The following KCNC2 variants were observed in gnomAD, a reference collection of about 807,000 sequenced individuals.
KCNC2 encodes the protein voltage-gated potassium channel KCNC2.
A neutral mutation model predicts 44.5 loss-of-function variants in KCNC2; 21 were observed. That is an observed-to-expected ratio of 0.47 (90% CI 0.33 to 0.68). The LOEUF (loss-of-function observed/expected upper bound fraction) is 0.68, where lower values mean the gene tolerates loss of function less well. Among genes scored for constraint, KCNC2 ranks in the 30% least tolerant of loss-of-function variants. The pLI, the probability that KCNC2 is intolerant of heterozygous loss-of-function variation, is 0.01. For missense variants in KCNC2, 589 were observed against 826.2 expected (o/e 0.71, Z 3.52); for synonymous variants, 391 against 339.1 (o/e 1.15, Z -1.68).
chr12:75,041,496 G>T lies in KCNC2; in HGVS notation c.*1609C>A. The T allele has an allele frequency of 8.4e-7, 1 of 1,192,076 alleles. No homozygotes were observed. The highest frequency in any genetic ancestry group is 1.1e-6 in the Non-Finnish European group (1 of 951,518). 73.8% of individuals were successfully genotyped at this position (1,192,076 alleles called of 1,614,324 possible). A position where few individuals can be genotyped will look rare whatever the true frequency, so the allele number is the denominator to read the frequency against. On this transcript the variant is annotated 3_prime_UTR_variant, in exon 5 of 5. Transcript: ENST00000549446. Reference sequence around the variant, plus strand: ...AATAGGAATTAATCAGCAGTCTCAAGGCTCCCAAATGCCTTAGTGATATTA... The same window carrying T: ...AATAGGAATTAATCAGCAGTCTCAATGCTCCCAAATGCCTTAGTGATATTA...
intron 2 of KCNC2, among the ~76,000 whole-genome samples, chr12:75,139,246 C>T (rs192501086): frequency 3.2e-4 from 49 of 152,240 alleles, no homozygotes; most frequent in Non-Finnish European, 5.3e-4. Flanking sequence ...ACAAAAAAAG[C>T]AGTCACTTCA....
chr12:75,113,519 A>G (rs1334572655), intron 2 of KCNC2, among the ~76,000 whole-genome samples: 2 of 152,192 alleles, frequency 1.3e-5, no homozygotes, highest in African/African-American at 4.8e-5. Flanking sequence ...GTAGGTTTAT[A>G]TTTATAAAGG....
chr12:75,076,917 A>AG (rs1243094156), intron 2 of KCNC2, among the ~76,000 whole-genome samples: 3 of 152,182 alleles, frequency 2.0e-5, no homozygotes, highest in Non-Finnish European at 4.4e-5. Context: ...TAGTCAATGG[A>AG]GAAAACAGTC....
At chr12:75,179,435 T>C (rs1195120806) in intron 2 of KCNC2, among the ~76,000 whole-genome samples, 1 of 151,778 alleles carries the variant, frequency 6.6e-6, no homozygotes, top group Non-Finnish European at 1.5e-5. Flanking sequence ...ATGAACAAAG[T>C]CTTTTGAAAA....
chr12:75,188,697 A>G (rs1039539472), intron 2 of KCNC2, among the ~76,000 whole-genome samples: 3 of 151,688 alleles, frequency 2.0e-5, no homozygotes, highest in Non-Finnish European at 4.4e-5. Context: ...TGTCTCTACT[A>G]AAAATACAAA....
In KCNC2 at chr12:75,206,672, C is replaced by T. The variant is rs532574627; in HGVS notation, c.687+625G>A. ...GTAAGTGGGCTCTCTGGTCAACTCA[C>T]GGAAACAATCCTAGTATTCGTCTCC... On this transcript the variant is annotated intron_variant, in intron 2 of 4. Transcript: ENST00000549446. Among the ~76,000 whole-genome samples the T allele has an allele frequency of 2.0e-5, 3 of 152,304 alleles. No homozygotes were observed. The East Asian group carries it at 5.8e-4, about 29-fold the overall frequency.
chr12:75,206,988 T>C (rs888611760), intron 2 of KCNC2, among the ~76,000 whole-genome samples: 1 of 152,168 alleles, frequency 6.6e-6, no homozygotes, highest in African/African-American at 2.4e-5. Context: ...TGAATCCTCA[T>C]ACCCGTTTCA....
At chr12:75,084,248 T>C (rs1377622870) in intron 2 of KCNC2, among the ~76,000 whole-genome samples, 3 of 141,792 alleles carry the variant, frequency 2.1e-5, no homozygotes, top group Non-Finnish European at 1.5e-5. Context: ...GATAGATAGA[T>C]GATGATGATA....
At chr12:75,177,172 T>G (rs968792971) in intron 2 of KCNC2, among the ~76,000 whole-genome samples, 2 of 151,250 alleles carry the variant, frequency 1.3e-5, no homozygotes, top group Non-Finnish European at 2.9e-5. Flanking sequence ...AGATAATTAG[T>G]GAAATAAAGT....
At chr12:75,047,363 A>G (rs1467058180) in intron 4 of KCNC2, among the ~76,000 whole-genome samples, 2 of 152,042 alleles carry the variant, frequency 1.3e-5, no homozygotes, top group Non-Finnish European at 2.9e-5. Flanking sequence ...AGTTGGTACA[A>G]TCAAGGGAAA....
intron 2 of KCNC2, among the ~76,000 whole-genome samples, chr12:75,117,521 C>A (rs1029173078): frequency 6.6e-6 from 1 of 152,084 alleles, no homozygotes; most frequent in African/African-American, 2.4e-5. Context: ...CCAGTCACTT[C>A]GCTACAGTTT....
chr12:75,207,291 C>T lies in KCNC2; in HGVS notation c.687+6G>A. The stretch of plus-strand genomic sequence containing the variant: ...GCAGCAGGGAAGGGGTCGATTCTGG[C>T]CTTACCCTGGCGGCTCTGGACGAGT... On this transcript the variant is annotated splice_donor_region_variant and intron_variant, in intron 2 of 4. Coordinates refer to ENST00000549446, the MANE Select transcript of KCNC2 (RefSeq NM_139137.4). This position sits in a 1 kb window ranked among gnomAD's most constrained non-coding sequence, Gnocchi z 4.1. 1.3e-6 allele frequency: 2 copies of T among 1,532,478 alleles called. No individual in the cohort carries two copies. The highest frequency in any genetic ancestry group is 1.7e-6 in the Non-Finnish European group (2 of 1,144,280). The allele number at this position is 1,532,478 out of a possible 1,614,324, so 94.9% of individuals were successfully genotyped here.
intron 2 of KCNC2, among the ~76,000 whole-genome samples, chr12:75,095,630 C>A (rs1435601812): frequency 6.6e-6 from 1 of 151,816 alleles, no homozygotes; most frequent in Non-Finnish European, 1.5e-5. Flanking sequence ...TACAACTATA[C>A]CCAATAACTT....
At chr12:75,144,110 C>A (rs1000483243) in intron 2 of KCNC2, among the ~76,000 whole-genome samples, 5 of 152,036 alleles carry the variant, frequency 3.3e-5, no homozygotes, top group Admixed American at 6.6e-5. Context: ...AAGCAGAATA[C>A]CAGTTTTATT....
chr12:75,196,330 A>G (rs941172607), intron 2 of KCNC2, among the ~76,000 whole-genome samples: 10 of 152,148 alleles, frequency 6.6e-5, no homozygotes, highest in African/African-American at 2.2e-4. Flanking sequence ...CCAGACAGTC[A>G]TTTAGAATCC....
intron 2 of KCNC2, among the ~76,000 whole-genome samples, chr12:75,145,017 A>G (rs2137427402): frequency 6.6e-6 from 1 of 152,308 alleles, no homozygotes; most frequent in Non-Finnish European, 1.5e-5. Flanking sequence ...TCCATTGAGG[A>G]TATTTTAGAC....
At chr12:75,110,103 T>G (rs1199505817) in intron 2 of KCNC2, among the ~76,000 whole-genome samples, 1 of 151,680 alleles carries the variant, frequency 6.6e-6, no homozygotes, top group Admixed American at 6.6e-5. Flanking sequence ...AAGGAACAGA[T>G]GGAGGAAAGA....
rs138792148 is a variant in KCNC2 at position 75,054,916 on chromosome 12, C to T, written c.688-3599G>A. On this transcript the variant is annotated intron_variant, in intron 2 of 4. Transcript: ENST00000549446. ...GGGTTGCATTAGCAAAGACTTGGTG[C>T]GCTTTATCTGAACTTAATTCTAAGC... Among the ~76,000 whole-genome samples, 228 of 152,212 alleles carry T rather than the reference C, an allele frequency of 1.5e-3. 1 individual carries two copies. Among genetic ancestry groups the T allele is most frequent in the African/African-American group, 5.1e-3 (210 of 41,556 alleles).
chr12:75,059,386 A>G (rs1018940803), intron 2 of KCNC2, among the ~76,000 whole-genome samples: 21 of 151,908 alleles, frequency 1.4e-4, no homozygotes, highest in African/African-American at 4.6e-4. Context: ...TCATTGTCTC[A>G]CTTGTTTACA....
Sources: gnomAD v4.1 joint callset for allele counts (sites outside exome capture counted in the v4.1 genomes callset) on GRCh38, gnomAD v4.1.1 for gene constraint, Gnocchi (gnomAD v3.1) non-coding constraint, MANE v1.5 for transcripts, NCBI Gene and HGNC (gene_info 2026-07-23, HGNC 2026-07-21) for gene names.